The following POLR3H variants were observed in gnomAD, a reference collection of about 807,000 sequenced individuals.
POLR3H encodes the protein RNA polymerase III subunit H.
Under a neutral mutation model 25.5 loss-of-function variants are expected in POLR3H, and 17 were observed. That is an observed-to-expected ratio of 0.67 (90% CI 0.46 to 1.00). POLR3H has a LOEUF of 1.00. Among genes scored for constraint, POLR3H ranks in the 50% least tolerant of loss-of-function variants. The pLI, the probability that POLR3H is intolerant of heterozygous loss-of-function variation, is 0.00. For missense variants in POLR3H, 274 were observed against 265.0 expected (o/e 1.03, Z -0.24); for synonymous variants, 129 against 103.0 (o/e 1.25, Z -1.53).
Position 41,544,212 on chromosome 22 carries a change from G to A in POLR3H, c.-111C>T, listed in dbSNP as rs1601973458. The A allele has an allele frequency of 1.5e-6, 1 of 654,596 alleles. No individual in the cohort carries two copies. Among genetic ancestry groups the A allele is most frequent in the Middle Eastern group, 4.2e-4 (1 of 2,408 alleles). The allele number at this position is 654,596 out of a possible 1,614,324, so 40.5% of individuals were successfully genotyped here. A position where few individuals can be genotyped will look rare whatever the true frequency, so the allele number is the denominator to read the frequency against. ...CCCGTCCCAGTCGCTGAGGCCCCCA[G>A]GCTGGCGGTGAGGTTGCACGGGGCG... On this transcript the variant is annotated 5_prime_UTR_variant, in exon 1 of 6. Coordinates refer to ENST00000355209, the MANE Select transcript of POLR3H (RefSeq NM_001018050.4).
At chr22:41,538,776 G>A (rs577128433) in intron 2 of POLR3H, among the ~76,000 whole-genome samples, 9 of 152,174 alleles carry the variant, frequency 5.9e-5, no homozygotes, top group South Asian at 2.1e-4. Context: ...CTGTTTCTTC[G>A]GCCTCTCGGC....
intron 2 of POLR3H, among the ~76,000 whole-genome samples, chr22:41,536,536 AT>A (rs1470343820): frequency 6.6e-6 from 1 of 151,864 alleles, no homozygotes; most frequent in Non-Finnish European, 1.5e-5. Context: ...ATAGAAAAAA[AT>A]GAAATAAATG....
intron 1 of POLR3H, among the ~76,000 whole-genome samples, chr22:41,543,164 A>C (rs1410397076): frequency 6.6e-6 from 1 of 152,186 alleles, no homozygotes; most frequent in Non-Finnish European, 1.5e-5. Context: ...GTGACACAGA[A>C]TACCTGGAAA....
intron 1 of POLR3H, among the ~76,000 whole-genome samples, chr22:41,542,208 C>T (rs1023163942): frequency 6.6e-6 from 1 of 152,108 alleles, no homozygotes. Context: ...CTCTGCCTCC[C>T]AAGTAGCCGG....
rs756340630 is a variant in POLR3H, at chr22:41,528,995, T to C, written c.*288A>G. ...AACCAGTGACTGTTCTGTGAGTGATTGGTGTCTGTGCCGTTTGTTGTCAAG... is the reference window on the plus strand; with the variant it reads ...AACCAGTGACTGTTCTGTGAGTGATCGGTGTCTGTGCCGTTTGTTGTCAAG... On this transcript the variant is annotated 3_prime_UTR_variant, in exon 6 of 6. Coordinates refer to ENST00000355209, the MANE Select transcript of POLR3H (RefSeq NM_001018050.4). 113 of 535,292 alleles carry C rather than the reference T, an allele frequency of 2.1e-4. No homozygotes were observed. The highest frequency in any genetic ancestry group is 3.4e-4 in the Non-Finnish European group (103 of 303,844). 33.2% of individuals were successfully genotyped at this position (535,292 alleles called of 1,614,324 possible). A position where few individuals can be genotyped will look rare whatever the true frequency, so the allele number is the denominator to read the frequency against.
At chr22:41,543,600 G>A (rs1396446670) in intron 1 of POLR3H, among the ~76,000 whole-genome samples, 1 of 152,198 alleles carries the variant, frequency 6.6e-6, no homozygotes, top group Non-Finnish European at 1.5e-5. Context: ...CAGCCTGGAC[G>A]AAAGAGCAAG....
At chr22:41,530,180 A>G (rs2066698917) in intron 5 of POLR3H, among the ~76,000 whole-genome samples, 1 of 151,250 alleles carries the variant, frequency 6.6e-6, no homozygotes, top group African/African-American at 2.4e-5. Context: ...CCCAAGCTGT[A>G]ATGCAGTGGC....
intron 1 of POLR3H, 148 bp downstream of exon 1, chr22:41,543,843 T>C: frequency 1.4e-6 from 1 of 716,070 alleles, no homozygotes; most frequent in African/African-American, 1.7e-5. Context: ...TCCCCTTCAA[T>C]ATCTCCTTTC....
chr22:41,540,859 C>G, intron 1 of POLR3H, 64 bp from the exon 2 acceptor site: 1 of 1,243,964 alleles, frequency 8.0e-7, no homozygotes, highest in Non-Finnish European at 1.2e-6. Context: ...AGGCCCAGCT[C>G]CCAGGCAATC....
At chr22:41,532,071 C>G (rs756467498) in intron 4 of POLR3H, 23 bp downstream of exon 4, 1 of 1,612,472 alleles carries the variant, frequency 6.2e-7, no homozygotes, top group Non-Finnish European at 8.5e-7. Flanking sequence ...CTGTGACAAA[C>G]CACTTTAACC....
In POLR3H at chr22:41,528,617, C is replaced by T. The variant is rs1382739120; in HGVS notation, c.*666G>A. 2 of 1,576,206 alleles carry T rather than the reference C, an allele frequency of 1.3e-6. No homozygotes were observed. Among genetic ancestry groups the T allele is most frequent in the Non-Finnish European group, 1.7e-6 (2 of 1,164,788 alleles). ...AATGAAGGAACTGCAACAGTGAGGG[C>T]AGTGCCTCCCCGCCCCGCCGCTGGC... On this transcript the variant is annotated 3_prime_UTR_variant, in exon 6 of 6. Coordinates refer to ENST00000355209, the MANE Select transcript of POLR3H (RefSeq NM_001018050.4).
intron 2 of POLR3H, chr22:41,540,211 C>T (rs1192674987): frequency 2.2e-5 from 6 of 270,824 alleles, no homozygotes; most frequent in Non-Finnish European, 3.6e-5. Flanking sequence ...CTTCCGTCTG[C>T]TCTCCACAGG....
intron 2 of POLR3H, among the ~76,000 whole-genome samples, chr22:41,536,256 G>C (rs961585812): frequency 6.6e-6 from 1 of 151,204 alleles, no homozygotes; most frequent in Non-Finnish European, 1.5e-5. Flanking sequence ...TTAGCCGGGC[G>C]TGGTGGCGGG....
In POLR3H at chr22:41,532,726, C is replaced by T. The variant is rs1226389342; in HGVS notation, c.228G>A (p.Val76=). Residue 76 remains valine (V), a synonymous_variant, in exon 3 of 6, where the codon GTG becomes GTA. Coordinates refer to ENST00000355209, the MANE Select transcript of POLR3H (RefSeq NM_001018050.4). ...GAATCTCATCTAGGAATGGATGAAA[C>T]ACCACGCAGCGAAAATGGACTGGAA... ...SHTKVHFRCV[V]FHPFLDEILI... is the part of the protein sequence containing the mutation. 3.1e-6 allele frequency: 5 copies of T among 1,614,000 alleles called. No homozygotes were observed. The highest frequency in any genetic ancestry group is 4.2e-6 in the Non-Finnish European group (5 of 1,179,932).
rs377518755 is a variant in POLR3H at position 41,527,345 on chromosome 22, C to T, written c.*1938G>A. 6.2e-7 allele frequency: 1 copy of T among 1,614,118 alleles called. No homozygotes were observed. The highest frequency in any genetic ancestry group is 1.3e-5 in the African/African-American group (1 of 75,044). ...CGAGAACTACGGCGAGGGCTCGAGC[C>T]GGGAGCATGCAGCTCTGGAGCCTCG... On this transcript the variant is annotated 3_prime_UTR_variant, in exon 6 of 6. Transcript: ENST00000355209.
intron 5 of POLR3H, among the ~76,000 whole-genome samples, 168 bp from the exon 6 acceptor site, chr22:41,529,504 G>GGCACGCA: frequency 6.6e-6 from 1 of 152,326 alleles, no homozygotes; most frequent in Admixed American, 6.5e-5. Flanking sequence ...GCTCCCAACG[G>GGCACGCA]GCACGCAGCA....
intron 1 of POLR3H, among the ~76,000 whole-genome samples, chr22:41,542,035 C>A (rs895424565): frequency 8.6e-5 from 13 of 151,972 alleles, no homozygotes; most frequent in African/African-American, 3.1e-4. Context: ...ACCCTCCCCT[C>A]TGCCCAAGCC....
intron 2 of POLR3H, chr22:41,533,464 G>C: frequency 8.7e-7 from 1 of 1,150,354 alleles, no homozygotes; most frequent in African/African-American, 1.6e-5. Context: ...CTCAGAGCCA[G>C]GGTGACCCAC....
rs1412480727 is a variant in POLR3H at position 41,529,102 on chromosome 22, T to G, written c.*181A>C. 10 of 602,582 alleles carry G rather than the reference T, an allele frequency of 1.7e-5. No individual in the cohort carries two copies. The East Asian group carries it at 2.8e-4, about 17-fold the overall frequency. 37.3% of individuals were successfully genotyped at this position (602,582 alleles called of 1,614,324 possible). A position where few individuals can be genotyped will look rare whatever the true frequency, so the allele number is the denominator to read the frequency against. ...GCCACAGATGGATCCATCACTGCAG[T>G]GAAGGAGGAGCAGGGCCTAGATGGT... is the stretch of plus-strand genomic sequence containing the variant. On this transcript the variant is annotated 3_prime_UTR_variant, in exon 6 of 6. Coordinates refer to ENST00000355209, the MANE Select transcript of POLR3H (RefSeq NM_001018050.4).
Sources: gnomAD v4.1 joint callset for allele counts (sites outside exome capture counted in the v4.1 genomes callset) on GRCh38, gnomAD v4.1.1 for gene constraint, MANE v1.5 for transcripts, NCBI Gene and HGNC (gene_info 2026-07-23, HGNC 2026-07-21) for gene names.